Variants in NALCN observed in about 807,000 individuals in gnomAD.
NALCN encodes sodium leak channel, non-selective, also known as sodium leak channel NALCN.
A neutral mutation model predicts 225.3 loss-of-function variants in NALCN; 111 were observed. The ratio of observed to expected loss-of-function variants is 0.49; its 90% CI spans 0.42 to 0.58. NALCN has a LOEUF of 0.58. NALCN is among the 20% of genes least tolerant of loss of function. NALCN has a pLI of 0.00. For synonymous variants in NALCN, 764 were observed against 769.0 expected (o/e 0.99, Z 0.11); for missense variants, 1,378 against 2,202.4 (o/e 0.63, Z 7.49).
intron 28 of NALCN, among the ~76,000 whole-genome samples, chr13:101,091,245 C>T (rs188266754): frequency 2.6e-4 from 39 of 152,184 alleles, no homozygotes; most frequent in African/African-American, 7.5e-4. Flanking sequence ...AGAGTAGGCC[C>T]CTTGGAGCCT....
At chr13:101,081,034 T>C (rs2033620720) in intron 34 of NALCN, among the ~76,000 whole-genome samples, 1 of 152,106 alleles carries the variant, frequency 6.6e-6, no homozygotes, top group Non-Finnish European at 1.5e-5. Flanking sequence ...AAGTGGAGGC[T>C]AAATGTCTTA....
At chr13:101,185,383 C>CT (rs2039407985) in intron 14 of NALCN, among the ~76,000 whole-genome samples, 3 of 152,190 alleles carry the variant, frequency 2.0e-5, no homozygotes, top group Admixed American at 2.0e-4. Context: ...ACAATGAACG[C>CT]TTAATTACAT....
chr13:101,273,624 A>G (rs2140260415), intron 10 of NALCN, among the ~76,000 whole-genome samples: 1 of 152,300 alleles, frequency 6.6e-6, no homozygotes, highest in African/African-American at 2.4e-5. Flanking sequence ...CATCACTTAG[A>G]AAAATCAACA....
At chr13:101,070,761 G>A (rs1418435039) in intron 37 of NALCN, among the ~76,000 whole-genome samples, 1 of 152,126 alleles carries the variant, frequency 6.6e-6, no homozygotes, top group African/African-American at 2.4e-5. Context: ...CATTTATAGA[G>A]CACAGGCAGG....
rs10560892 is a variant in NALCN, at chr13:101,345,737, A to AATATATATATATATATAT, written c.645-335_645-318dup. On this transcript the variant is annotated intron_variant, in intron 6 of 43. Coordinates refer to ENST00000251127, the MANE Select transcript of NALCN (RefSeq NM_052867.4). ...ATCTATCTAAGAGTACAGCAAAGAGAATATATATATATATATATATATATA... is the reference window on the plus strand; with the variant it reads ...ATCTATCTAAGAGTACAGCAAAGAGAATATATATATATATATATATATATATATATATATATATATATA... 2.6e-3 allele frequency among the ~76,000 whole-genome samples: 224 copies of AATATATATATATATATAT among 86,586 alleles called. 1 individual carries two copies. The highest frequency in any genetic ancestry group is 5.8e-3 in the African/African-American group (124 of 21,406). The allele number at this position is 86,586 out of a possible 152,430, so 56.8% of individuals were successfully genotyped here. A position where few individuals can be genotyped will look rare whatever the true frequency, so the allele number is the denominator to read the frequency against.
At chr13:101,376,607 T>TA in intron 6 of NALCN, 93 bp downstream of exon 6, 2 of 1,374,740 alleles carry the variant, frequency 1.5e-6, no homozygotes, top group Admixed American at 2.3e-5. Context: ...AAGCACTGTT[T>TA]AAAAAATCTG....
intron 1 of NALCN, among the ~76,000 whole-genome samples, chr13:101,408,750 T>C (rs2047695135): frequency 6.6e-6 from 1 of 152,182 alleles, no homozygotes; most frequent in Admixed American, 6.5e-5. Context: ...TTCATCTGTG[T>C]CTTGGCCCTC....
chr13:101,081,674 A>G, intron 33 of NALCN, 28 bp from the exon 34 acceptor site: 1 of 1,613,298 alleles, frequency 6.2e-7, no homozygotes, highest in Non-Finnish European at 8.5e-7. Flanking sequence ...AAGAAAATAA[A>G]CAGAGAGAGT....
chr13:101,076,229 C>A (rs1043032543), intron 34 of NALCN, among the ~76,000 whole-genome samples: 2 of 152,124 alleles, frequency 1.3e-5, no homozygotes, highest in Admixed American at 1.3e-4. Flanking sequence ...CTTTTGCATA[C>A]AGGGTGTGAA....
intron 13 of NALCN, among the ~76,000 whole-genome samples, chr13:101,207,417 T>C (rs557126516): frequency 3.0e-4 from 45 of 152,344 alleles, no homozygotes; most frequent in African/African-American, 1.1e-3. Flanking sequence ...TCATTCTTCT[T>C]TGTAATTGAT....
At chr13:101,389,321 T>C (rs2139465299) in intron 3 of NALCN, among the ~76,000 whole-genome samples, 1 of 152,228 alleles carries the variant, frequency 6.6e-6, no homozygotes, top group East Asian at 1.9e-4. Flanking sequence ...TTTGTAGAAA[T>C]GTAAACTGGT....
intron 13 of NALCN, among the ~76,000 whole-genome samples, chr13:101,203,626 T>G (rs946528379): frequency 7.9e-5 from 12 of 152,260 alleles, no homozygotes; most frequent in African/African-American, 2.9e-4. Flanking sequence ...TTAAGGAATT[T>G]CTTTTAGATA....
At chr13:101,360,283 T>C (rs2139362011) in intron 6 of NALCN, among the ~76,000 whole-genome samples, 1 of 146,650 alleles carries the variant, frequency 6.8e-6, no homozygotes. Flanking sequence ...CAGGCTAGAA[T>C]GCAGTGGCAT....
intron 12 of NALCN, among the ~76,000 whole-genome samples, chr13:101,232,927 CAT>C (rs561589152): frequency 6.6e-6 from 1 of 152,170 alleles, no homozygotes; most frequent in Non-Finnish European, 1.5e-5. Context: ...TATTTTCGGA[CAT>C]AAATAATTCA....
intron 11 of NALCN, among the ~76,000 whole-genome samples, chr13:101,246,981 AG>A: frequency 6.6e-6 from 1 of 152,356 alleles, no homozygotes; most frequent in East Asian, 1.9e-4. Flanking sequence ...AGGAAAAAAC[AG>A]GAAACCAAAG....
intron 34 of NALCN, among the ~76,000 whole-genome samples, chr13:101,076,848 A>G (rs2033288888): frequency 6.6e-6 from 1 of 152,196 alleles, no homozygotes; most frequent in Non-Finnish European, 1.5e-5. Context: ...ATCTGGGATT[A>G]GAGAGTCTAC....
chr13:101,301,243 A>G (rs2043953783), intron 7 of NALCN, among the ~76,000 whole-genome samples: 1 of 152,214 alleles, frequency 6.6e-6, no homozygotes, highest in African/African-American at 2.4e-5. Context: ...CGCTCAGTCC[A>G]CACGCCAACT....
intron 15 of NALCN, among the ~76,000 whole-genome samples, chr13:101,147,538 A>G (rs1251231429): frequency 1.3e-5 from 2 of 151,518 alleles, no homozygotes; most frequent in Admixed American, 1.3e-4. Context: ...AAACAAAAAA[A>G]CTTTTGTTTT....
intron 3 of NALCN, among the ~76,000 whole-genome samples, chr13:101,392,008 A>AAC (rs1326674517): frequency 5.9e-5 from 9 of 151,526 alleles, no homozygotes; most frequent in African/African-American, 1.9e-4. Context: ...CAAAAACAAA[A>AAC]AAAAAACAAA....
Sources: gnomAD v4.1 joint callset for allele counts (sites outside exome capture counted in the v4.1 genomes callset) on GRCh38, gnomAD v4.1.1 for gene constraint, MANE v1.5 for transcripts, NCBI Gene and HGNC (gene_info 2026-07-23, HGNC 2026-07-21) for gene names.